Variants in ADGRG6 observed in about 807,000 individuals in gnomAD.
ADGRG6 encodes the protein adhesion G protein-coupled receptor G6, also known as G-protein coupled receptor 126.
ADGRG6 carries 84 observed loss-of-function variants against 142.4 expected under a neutral mutation model. That is an observed-to-expected ratio of 0.59 (90% CI 0.49 to 0.71). The LOEUF (loss-of-function observed/expected upper bound fraction) is 0.71, where lower values mean the gene tolerates loss of function less well. ADGRG6 is among the 30% of genes least tolerant of loss of function. ADGRG6 has a pLI of 0.00. For missense variants in ADGRG6, 1,367 were observed against 1,466.6 expected, an observed-to-expected ratio of 0.93 and a Z score of 1.11; for synonymous variants, 521 against 520.5, an observed-to-expected ratio of 1.00 and a Z score of -0.01.
intron 3 of ADGRG6, among the ~76,000 whole-genome samples, chr6:142,369,902 T>C (rs1269701720): frequency 6.6e-6 from 1 of 152,218 alleles, no homozygotes; most frequent in Admixed American, 6.5e-5. Context: ...AAAATACTTA[T>C]CAACTTTGCT....
chr6:142,324,145 ATTGCCTG>A (rs1778650619), intron 2 of ADGRG6, among the ~76,000 whole-genome samples: 1 of 152,002 alleles, frequency 6.6e-6, no homozygotes, highest in Non-Finnish European at 1.5e-5. Context: ...TGCAGACCTT[ATTGCCTG>A]TTGCCTCAGC....
At chr6:142,379,748 CA>C (rs574203087) in intron 4 of ADGRG6, among the ~76,000 whole-genome samples, 131 of 152,300 alleles carry the variant, frequency 8.6e-4, no homozygotes, top group African/African-American at 2.9e-3. Flanking sequence ...GCCTGGGCAA[CA>C]GAGCGAGACT....
At chr6:142,352,290 A>G (rs1057059290) in intron 2 of ADGRG6, among the ~76,000 whole-genome samples, 4 of 152,216 alleles carry the variant, frequency 2.6e-5, no homozygotes, top group Non-Finnish European at 5.9e-5. Context: ...AGCTATAAAG[A>G]GAATGAAATC....
intron 2 of ADGRG6, among the ~76,000 whole-genome samples, chr6:142,317,515 A>T (rs941386978): frequency 4.6e-5 from 7 of 150,694 alleles, no homozygotes; most frequent in African/African-American, 1.7e-4. Context: ...TATGTTTAAC[A>T]TTTGTGAGAG....
intron 2 of ADGRG6, among the ~76,000 whole-genome samples, chr6:142,358,247 A>G (rs1732301063): frequency 6.6e-6 from 1 of 152,236 alleles, no homozygotes; most frequent in Non-Finnish European, 1.5e-5. Context: ...TGACATTCTC[A>G]TATGAGATGA....
At chr6:142,338,365 A>G (rs920020510) in intron 2 of ADGRG6, among the ~76,000 whole-genome samples, 3 of 151,862 alleles carry the variant, frequency 2.0e-5, no homozygotes, top group Non-Finnish European at 4.4e-5. Flanking sequence ...TTTGAATTTA[A>G]TGATATTACA....
At chr6:142,380,258 A>G (rs972034110) in intron 4 of ADGRG6, among the ~76,000 whole-genome samples, 2 of 152,036 alleles carry the variant, frequency 1.3e-5, no homozygotes, top group Admixed American at 6.5e-5. Context: ...GAGGGGTGTA[A>G]TGAGGCATGT....
At chr6:142,418,016 T>C (rs1373824253) in intron 21 of ADGRG6, among the ~76,000 whole-genome samples, 1 of 152,046 alleles carries the variant, frequency 6.6e-6, no homozygotes, top group Non-Finnish European at 1.5e-5. Context: ...TTACATCGGC[T>C]GGGCGCAGTG....
intron 3 of ADGRG6, among the ~76,000 whole-genome samples, chr6:142,369,575 A>G (rs1358447713): frequency 6.6e-6 from 1 of 151,982 alleles, no homozygotes; most frequent in Non-Finnish European, 1.5e-5. Context: ...TTAAATCTCC[A>G]CTTTGTTTGA....
Position 142,370,439 on chromosome 6 carries a change from G to A in ADGRG6, c.715G>A (p.Val239Ile), listed in dbSNP as rs1781184984. 1 of 1,613,570 alleles carries A rather than the reference G, an allele frequency of 6.2e-7. No homozygotes were observed. The highest frequency in any genetic ancestry group is 1.3e-5 in the African/African-American group (1 of 75,022). Residue 239 changes from valine (V) to isoleucine (I), a missense_variant, in exon 4 of 25, where the codon GTC (valine) becomes ATC (isoleucine). Transcript: ENST00000367609. ...SKCLLNNALP[V>I]KEKEDIFAES... is the part of the protein sequence containing the mutation. ...ATGTTTGTTGAATAATGCATTACCT[G>A]TCAAAGAAAAAGAAGACATTTTTGC... is the stretch of plus-strand genomic sequence containing the variant.
At chr6:142,309,722 G>T in intron 2 of ADGRG6, 78 bp downstream of exon 2, 5 of 878,322 alleles carry the variant, frequency 5.7e-6, no homozygotes, top group Admixed American at 3.2e-5. Flanking sequence ...ACTTATTTAT[G>T]TTGCCTTACT....
At chr6:142,353,069 CAAGGT>C (rs1230900350) in intron 2 of ADGRG6, among the ~76,000 whole-genome samples, 1 of 152,044 alleles carries the variant, frequency 6.6e-6, no homozygotes, top group African/African-American at 2.4e-5. Flanking sequence ...AGTATGAACT[CAAGGT>C]AAGTGGGTCA....
intron 24 of ADGRG6, chr6:142,440,972 T>A: frequency 7.2e-7 from 1 of 1,394,538 alleles, no homozygotes; most frequent in Non-Finnish European, 9.7e-7. Flanking sequence ...TCGTTACTTT[T>A]TTGAATGCAT....
At chr6:142,306,061 A>G (rs540096657) in intron 1 of ADGRG6, among the ~76,000 whole-genome samples, 1 of 152,358 alleles carries the variant, frequency 6.6e-6, no homozygotes, top group South Asian at 2.1e-4. Context: ...CTTTTATGAA[A>G]AGATTTGCCA....
intron 6 of ADGRG6, among the ~76,000 whole-genome samples, chr6:142,386,788 G>A (rs1052876131): frequency 1.3e-4 from 20 of 152,100 alleles, no homozygotes; most frequent in African/African-American, 4.6e-4. Flanking sequence ...TGGGCAGCTC[G>A]GGGCAGCAGG....
chr6:142,354,891 A>T (rs1353496021), intron 2 of ADGRG6, among the ~76,000 whole-genome samples: 1 of 152,220 alleles, frequency 6.6e-6, no homozygotes, highest in Non-Finnish European at 1.5e-5. Context: ...AAAATGCCTG[A>T]TGCCTTGTTC....
At chr6:142,310,975 T>C (rs1232513123) in intron 2 of ADGRG6, among the ~76,000 whole-genome samples, 2 of 151,956 alleles carry the variant, frequency 1.3e-5, no homozygotes, top group Non-Finnish European at 2.9e-5. Flanking sequence ...TTAGGTCATG[T>C]ATTTATATAT....
At chr6:142,319,599 C>G (rs1418107554) in intron 2 of ADGRG6, among the ~76,000 whole-genome samples, 1 of 152,032 alleles carries the variant, frequency 6.6e-6, no homozygotes, top group East Asian at 1.9e-4. Context: ...GATTTACCAC[C>G]TGGTTTGCCT....
At chr6:142,436,928 A>T (rs1385690497) in intron 22 of ADGRG6, among the ~76,000 whole-genome samples, 1 of 152,162 alleles carries the variant, frequency 6.6e-6, no homozygotes, top group Non-Finnish European at 1.5e-5. Flanking sequence ...GCCACGTTTC[A>T]CCTGCAAAAA....
Sources: gnomAD v4.1 joint callset for allele counts (sites outside exome capture counted in the v4.1 genomes callset) on GRCh38, gnomAD v4.1.1 for gene constraint, MANE v1.5 for transcripts, NCBI Gene and HGNC (gene_info 2026-07-23, HGNC 2026-07-21) for gene names.